The following DST variants were observed in gnomAD, a reference collection of about 807,000 sequenced individuals.
The protein encoded by DST is bullous pemphigoid antigen.
A neutral mutation model predicts 875.2 loss-of-function variants in DST; 253 were observed. The ratio of observed to expected loss-of-function variants is 0.29; its 90% confidence interval spans 0.26 to 0.32. The LOEUF is 0.32. Among genes scored for constraint, DST ranks in the 10% least tolerant of loss-of-function variants. The pLI is 1.00. For synonymous variants in DST, 3,124 were observed against 3,197.1 expected (o/e 0.98, Z 0.77); for missense variants, 8,287 against 9,111.6 (o/e 0.91, Z 3.68).
intron 34 of DST, among the ~76,000 whole-genome samples, chr6:56,625,972 T>TAAAAAAAAAAA (rs76788667): frequency 1.3e-5 from 1 of 74,970 alleles, no homozygotes; most frequent in African/African-American, 3.7e-5. Context: ...GTTTAAAAAG[T>TAAAAAAAAAAA]AAAAAAAAAA....
At position 56,614,495 on chromosome 6, in the gene DST, T is replaced by C. The variant is rs193053829; in HGVS notation, c.4930-11A>G. 31 of 1,591,700 alleles carry C rather than the reference T, an allele frequency of 1.9e-5. No individual in the cohort carries two copies. The African/African-American group carries it at 3.8e-4, about 19-fold the overall frequency. On this transcript the variant is annotated splice_polypyrimidine_tract_variant and intron_variant, in intron 36 of 103. Transcript: ENST00000680361. ...TTCTTCCAGTGACTTCTGACAGTTG[T>C]GAGCGGTAAGAAAAATATACACTGC... is the stretch of plus-strand genomic sequence containing the variant.
chr6:56,478,733 C>T (rs535245327), intron 90 of DST, among the ~76,000 whole-genome samples: 12 of 152,246 alleles, frequency 7.9e-5, no homozygotes, highest in African/African-American at 2.9e-4. Flanking sequence ...ACAATGAGTG[C>T]CAGAGGCCGC....
intron 92 of DST, among the ~76,000 whole-genome samples, chr6:56,475,404 C>CAA (rs1195263578): frequency 8.7e-5 from 8 of 92,198 alleles, no homozygotes; most frequent in African/African-American, 2.6e-4. Context: ...AACACACACA[C>CAA]ACACACACAC....
rs764053212 is a variant in DST, at chr6:56,501,541, C to T, written c.19719G>A (p.Glu6573=). The T allele has an allele frequency of 1.9e-6, 3 of 1,591,220 alleles. No individual in the cohort carries two copies. The highest frequency in any genetic ancestry group is 4.6e-5 in the East Asian group (2 of 43,738). ...MELKLIWDSL[E]ERIINRQHKL... ...TTACCTGTCTGTTGATGATTCTCTC[C>T]TCCAGGCTATCCCATATCAATTTCA... The change falls in exon 79 of 104, where the codon GAG becomes GAA. Residue 6573 remains glutamate (E), a synonymous_variant. Transcript: ENST00000680361.
At chr6:56,842,533 A>G (rs2099801466) in intron 4 of DST, among the ~76,000 whole-genome samples, 1 of 152,172 alleles carries the variant, frequency 6.6e-6, no homozygotes, top group Non-Finnish European at 1.5e-5. Flanking sequence ...AACTCACTAA[A>G]GTCTTTTATC....
intron 2 of DST, among the ~76,000 whole-genome samples, chr6:56,905,508 A>G (rs1333715144): frequency 6.6e-6 from 1 of 152,112 alleles, no homozygotes; most frequent in Non-Finnish European, 1.5e-5. Flanking sequence ...ATCATTCAGT[A>G]TTTGTCTTTC....
Position 56,607,860 on chromosome 6 carries a change from T to A in DST, c.6768A>T (p.Ser2256=), listed in dbSNP as rs758223582. 9 of 1,613,404 alleles carry A rather than the reference T, an allele frequency of 5.6e-6. No individual in the cohort carries two copies. Among genetic ancestry groups the A allele is most frequent in the African/African-American group, 1.3e-5 (1 of 75,024 alleles). ...AIKECLDVLS[S]SGVFLNNASG... ...AAGCATTATTAAGAAATACACCAGATGAGCTTAAGACATCGAGACATTCTT... is the reference window on the plus strand; with the variant it reads ...AAGCATTATTAAGAAATACACCAGAAGAGCTTAAGACATCGAGACATTCTT... Residue 2256 remains serine (S), a synonymous_variant, in exon 40 of 104, where the codon TCA becomes TCT. Coordinates refer to ENST00000680361, the MANE Select transcript of DST (RefSeq NM_001374736.1).
intron 61 of DST, 57 bp downstream of exon 61, chr6:56,552,127 C>G (rs2097336046): frequency 2.7e-6 from 4 of 1,502,182 alleles, no homozygotes; most frequent in Non-Finnish European, 1.8e-6. Context: ...CCTTTCTAAG[C>G]AAATTAGAAA....
intron 2 of DST, among the ~76,000 whole-genome samples, chr6:56,944,093 G>A (rs1693523700): frequency 6.6e-6 from 1 of 151,986 alleles, no homozygotes; most frequent in Admixed American, 6.6e-5. Flanking sequence ...CTCCAGCCTG[G>A]GCAACAGAGA....
chr6:56,887,690 T>C (rs914230905), intron 3 of DST, among the ~76,000 whole-genome samples: 3 of 152,148 alleles, frequency 2.0e-5, no homozygotes, highest in Non-Finnish European at 2.9e-5. Flanking sequence ...AAGAAAGACA[T>C]AGAAAGAATG....
At chr6:56,507,358 C>T (rs145133950) in intron 75 of DST, among the ~76,000 whole-genome samples, 13 of 152,274 alleles carry the variant, frequency 8.5e-5, no homozygotes, top group Middle Eastern at 3.4e-3. Context: ...ATAAACCAAG[C>T]CCTAAACCAG....
intron 10 of DST, among the ~76,000 whole-genome samples, chr6:56,654,334 A>G (rs1158285238): frequency 1.3e-5 from 2 of 152,124 alleles, no homozygotes; most frequent in Non-Finnish European, 2.9e-5. Context: ...AAAGTAGCTT[A>G]CAAAGAAAAT....
intron 3 of DST, among the ~76,000 whole-genome samples, chr6:56,860,923 G>A (rs1770808067): frequency 6.6e-6 from 1 of 151,820 alleles, no homozygotes; most frequent in Non-Finnish European, 1.5e-5. Flanking sequence ...CTGTAATTCA[G>A]AAGGTTTTTT....
rs1181161732 is a variant in DST, at chr6:56,600,179, C to T, written c.11584G>A (p.Gly3862Arg). 1.9e-6 allele frequency: 3 copies of T among 1,612,848 alleles called. No individual in the cohort carries two copies. The highest frequency in any genetic ancestry group is 2.5e-6 in the Non-Finnish European group (3 of 1,179,094). Residue 3862 changes from glycine to arginine, a missense_variant, in exon 45 of 104, where the codon GGG (glycine) becomes AGG (arginine). This residue lies in a region of DST where 3,138 missense variants were observed against 3,116.6 expected (regional missense o/e 1.01). Coordinates refer to ENST00000680361, the MANE Select transcript of DST (RefSeq NM_001374736.1). ...RQQEYKEKLQ[G>R]ICDLLTQTEN... Reference sequence around the variant, plus strand: ...GTTTGGGTAAGAAGATCACATATCCCTTGGAGTTTCTCTTTATACTCCTGC... The same window carrying T: ...GTTTGGGTAAGAAGATCACATATCCTTTGGAGTTTCTCTTTATACTCCTGC...
intron 90 of DST, among the ~76,000 whole-genome samples, chr6:56,478,215 A>G (rs562189224): frequency 6.6e-6 from 1 of 152,236 alleles, no homozygotes; most frequent in South Asian, 2.1e-4. Context: ...AGCATTAACT[A>G]TGCCAGGAAA....
chr6:56,796,499 C>A (rs1483860291), intron 4 of DST, among the ~76,000 whole-genome samples: 3 of 151,728 alleles, frequency 2.0e-5, no homozygotes, highest in African/African-American at 7.3e-5. Context: ...ACACAGGGCA[C>A]AAAACAGAAA....
chr6:56,784,451 C>T (rs1040128962), intron 4 of DST, among the ~76,000 whole-genome samples: 1 of 152,052 alleles, frequency 6.6e-6, no homozygotes, highest in Non-Finnish European at 1.5e-5. Flanking sequence ...TCTAAACTTC[C>T]CTTCTTGCTT....
intron 4 of DST, chr6:56,851,172 C>T (rs569689462): frequency 3.7e-6 from 2 of 545,954 alleles, no homozygotes; most frequent in East Asian, 2.8e-5. Context: ...GGAATCGATT[C>T]GTCCAACCAG....
At chr6:56,617,367 G>A in intron 36 of DST, 1 of 1,613,772 alleles carries the variant, frequency 6.2e-7, no homozygotes, top group Non-Finnish European at 8.5e-7. Context: ...TTCTTTTCTT[G>A]TTTTAATGTT....
Sources: gnomAD v4.1 joint callset for allele counts (sites outside exome capture counted in the v4.1 genomes callset) on GRCh38, gnomAD v4.1.1 for gene constraint, gnomAD v4.1.1 regional missense constraint, MANE v1.5 for transcripts, NCBI Gene and HGNC (gene_info 2026-07-23, HGNC 2026-07-21) for gene names.